DENND4C: variants seen among roughly 807,000 people sequenced by gnomAD.
DENND4C encodes the protein DENN domain containing 4C.
In DENND4C, 108 loss-of-function variants were observed where a neutral mutation model predicts 203.0. The ratio of observed to expected loss-of-function variants is 0.53; its 90% CI spans 0.46 to 0.62. The LOEUF is 0.62. Ranked by LOEUF, DENND4C falls within the 20% of genes least tolerant of loss-of-function variation. DENND4C has a pLI of 0.00. For missense variants in DENND4C, 2,481 were observed against 2,301.2 expected, an observed-to-expected ratio of 1.08 and a Z score of -1.60; for synonymous variants, 871 against 792.4, an observed-to-expected ratio of 1.10 and a Z score of -1.67.
intron 17 of DENND4C, among the ~76,000 whole-genome samples, chr9:19,333,575 G>A (rs1819763601): frequency 6.6e-6 from 1 of 152,076 alleles, no homozygotes; most frequent in Non-Finnish European, 1.5e-5. Context: ...ATAATAGTTA[G>A]CACCTTCATC....
At chr9:19,271,304 A>G (rs1831610345) in intron 1 of DENND4C, among the ~76,000 whole-genome samples, 1 of 149,786 alleles carries the variant, frequency 6.7e-6, no homozygotes, top group African/African-American at 2.5e-5. Flanking sequence ...AATTCAAGTG[A>G]TTCTCATGCC....
chr9:19,251,654 C>G lies in DENND4C; in HGVS notation c.-18+20821C>G, dbSNP rs138567070. Among the ~76,000 whole-genome samples, 325 of 152,296 alleles carry G rather than the reference C, an allele frequency of 2.1e-3. 1 individual carries two copies. The highest frequency in any genetic ancestry group is 3.6e-3 in the Non-Finnish European group (243 of 68,030). ...GAGCACCCAAGTCACTTCTTGAAAG[C>G]TTTGCTGCTTAGAAATTTCTTCTGC... On this transcript the variant is annotated intron_variant, in intron 1 of 32. Transcript: ENST00000434457.
Position 19,286,899 on chromosome 9 carries a change from G to T in DENND4C, c.436G>T (p.Ala146Ser), listed in dbSNP as rs1020854897. The T allele has an allele frequency of 3.2e-6, 4 of 1,232,036 alleles. No individual in the cohort carries two copies. The highest frequency in any genetic ancestry group is 3.1e-4 in the Middle Eastern group (1 of 3,208). The allele number at this position is 1,232,036 out of a possible 1,614,324, so 76.3% of individuals were successfully genotyped here. A position where few individuals can be genotyped will look rare whatever the true frequency, so the allele number is the denominator to read the frequency against. ...AAGAATCTTTATCACTTATCGAAGG[G>T]CTCCTCCAGTTCGACCCCAGAATTC... ...SQRIFITYRR[A>S]PPVRPQNSLA... The change falls in exon 3 of 33, where the codon GCT becomes TCT. Residue 146 changes from alanine (A) to serine (S), a missense_variant. By Grantham distance (99) the Ala-to-Ser change is moderately conservative (BLOSUM62 1). Coordinates refer to ENST00000434457, the MANE Select transcript of DENND4C (RefSeq NM_001330640.2).
chr9:19,299,266 T>C lies in DENND4C; in HGVS notation c.1145T>C (p.Val382Ala). The C allele has an allele frequency of 6.3e-7, 1 of 1,587,664 alleles. No individual in the cohort carries two copies. The highest frequency in any genetic ancestry group is 1.2e-5 in the South Asian group (1 of 83,698). ...VHDALILSQP[V>A]STPLPLSGAN... ...GATGCATTAATATTATCACAGCCAG[T>C]TTCTACACCTTTACCACTAAGGTAA... The change falls in exon 8 of 33, where the codon GTT becomes GCT. Residue 382 changes from valine (V) to alanine (A), a missense_variant. Transcript: ENST00000434457.
chr9:19,286,902 C>T lies in DENND4C; in HGVS notation c.439C>T (p.Pro147Ser). ...QRIFITYRRA[P>S]PVRPQNSLAV... is the part of the protein sequence containing the mutation. The stretch of plus-strand genomic sequence containing the variant: ...AATCTTTATCACTTATCGAAGGGCT[C>T]CTCCAGTTCGACCCCAGAATTCCTT... The change falls in exon 3 of 33, where the codon CCT becomes TCT. Residue 147 changes from proline to serine, a missense_variant. By Grantham distance (74) the Pro-to-Ser change is moderately conservative (BLOSUM62 -1). Transcript: ENST00000434457. The T allele has an allele frequency of 8.1e-7, 1 of 1,232,100 alleles. No homozygotes were observed. The highest frequency in any genetic ancestry group is 1.0e-6 in the Non-Finnish European group (1 of 987,964). The allele number at this position is 1,232,100 out of a possible 1,614,324, so 76.3% of individuals were successfully genotyped here. A position where few individuals can be genotyped will look rare whatever the true frequency, so the allele number is the denominator to read the frequency against.
chr9:19,297,834 A>T (rs887109594), intron 6 of DENND4C, among the ~76,000 whole-genome samples: 1 of 152,126 alleles, frequency 6.6e-6, no homozygotes, highest in Non-Finnish European at 1.5e-5. Context: ...ATGATAGGGG[A>T]TATAAATAGA....
At chr9:19,360,670 T>C (rs1193289994) in intron 29 of DENND4C, among the ~76,000 whole-genome samples, 181 bp downstream of exon 29, 3 of 152,172 alleles carry the variant, frequency 2.0e-5, no homozygotes, top group African/African-American at 7.2e-5. Context: ...TTTTATATTT[T>C]TGTTTAGCTA....
rs1435766975 is a variant in DENND4C at position 19,316,725 on chromosome 9, G to T, written c.1693G>T (p.Ala565Ser). 1 of 1,614,048 alleles carries T rather than the reference G, an allele frequency of 6.2e-7. No homozygotes were observed. The highest frequency in any genetic ancestry group is 1.1e-5 in the South Asian group (1 of 91,076). Residue 565 changes from alanine (A) to serine (S), a missense_variant, in exon 12 of 33, where the codon GCA becomes TCA. This residue lies in a region of DENND4C where 2,289 missense variants were observed against 2,113.3 expected (regional missense o/e 1.08). Coordinates refer to ENST00000434457, the MANE Select transcript of DENND4C (RefSeq NM_001330640.2). The part of the protein sequence containing the change: ...MTQLEMEIQE[A>S]FLRFMASILK... ...ACAGCTTGAGATGGAAATTCAAGAG[G>T]CATTTTTGCGCTTTATGGCGTCTAT...
At chr9:19,336,513 A>G in intron 19 of DENND4C, 99 bp downstream of exon 19, 1 of 1,457,266 alleles carries the variant, frequency 6.9e-7, no homozygotes, top group Non-Finnish European at 9.1e-7. Flanking sequence ...AAATTCCGGT[A>G]GACATTTTCA....
chr9:19,237,472 C>A (rs888714464), intron 1 of DENND4C, among the ~76,000 whole-genome samples: 2 of 151,916 alleles, frequency 1.3e-5, no homozygotes, highest in Admixed American at 1.3e-4. Flanking sequence ...CTGCCTCAGT[C>A]TCCCGAGTAG....
chr9:19,341,193 G>T (rs887275734), intron 21 of DENND4C, 79 bp downstream of exon 21: 10 of 1,166,382 alleles, frequency 8.6e-6, no homozygotes, highest in African/African-American at 4.9e-5. Flanking sequence ...TTAGTTGATA[G>T]CTTTGATGAT....
At chr9:19,363,857 A>T (rs546161643) in intron 30 of DENND4C, among the ~76,000 whole-genome samples, 11 of 151,876 alleles carry the variant, frequency 7.2e-5, no homozygotes, top group African/African-American at 2.4e-4. Context: ...CTAAAAATAT[A>T]AAAAAAATTA....
At chr9:19,303,186 C>G (rs760214755) in intron 9 of DENND4C, among the ~76,000 whole-genome samples, 1 of 152,100 alleles carries the variant, frequency 6.6e-6, no homozygotes, top group Non-Finnish European at 1.5e-5. Flanking sequence ...TGAGCAATTT[C>G]TTTTCTGTGT....
At chr9:19,348,313 TCTTAC>T (rs1288031750) in intron 23 of DENND4C, among the ~76,000 whole-genome samples, 3 of 152,174 alleles carry the variant, frequency 2.0e-5, no homozygotes, top group Non-Finnish European at 4.4e-5. Flanking sequence ...GAGTCCATGC[TCTTAC>T]CTTAGAAGCG....
intron 1 of DENND4C, among the ~76,000 whole-genome samples, chr9:19,254,380 A>G (rs1220745238): frequency 6.6e-6 from 1 of 152,212 alleles, no homozygotes; most frequent in African/African-American, 2.4e-5. Flanking sequence ...TGTGGCATAC[A>G]CACACACAGC....
intron 30 of DENND4C, among the ~76,000 whole-genome samples, chr9:19,365,333 T>C (rs944879705): frequency 2.0e-5 from 3 of 152,166 alleles, no homozygotes; most frequent in Non-Finnish European, 4.4e-5. Context: ...AGCCAAATCA[T>C]TTGGCAAAAT....
At chr9:19,241,329 A>C (rs1010524604) in intron 1 of DENND4C, among the ~76,000 whole-genome samples, 73 of 152,148 alleles carry the variant, frequency 4.8e-4, no homozygotes, top group Non-Finnish European at 1.0e-3. Flanking sequence ...ACAGGTGTAC[A>C]GAAATATTAT....
chr9:19,350,796 T>C lies in DENND4C; in HGVS notation c.4412T>C (p.Val1471Ala). The C allele has an allele frequency of 6.2e-7, 1 of 1,614,032 alleles. No homozygotes were observed. Among genetic ancestry groups the C allele is most frequent in the Admixed American group, 1.7e-5 (1 of 60,002 alleles). ...CCTAACACAAGTATCTCAGGGTTGG[T>C]CCCCAGTGAACTTACCCAGAGCAAC... ...ISPNTSISGL[V>A]PSELTQSNTS... The change falls in exon 24 of 33, where the codon GTC (valine) becomes GCC (alanine). Residue 1471 changes from valine to alanine, a missense_variant. By Grantham distance (64) the Val-to-Ala change is moderately conservative (BLOSUM62 0). Around this residue, in one of 3 missense-constraint regions of DENND4C, gnomAD observed 2,289 missense variants for 2,113.3 expected, o/e 1.08. Coordinates refer to ENST00000434457, the MANE Select transcript of DENND4C (RefSeq NM_001330640.2).
In DENND4C at chr9:19,350,828, C is replaced by G; in HGVS notation, c.4444C>G (p.Leu1482Val). The change falls in exon 24 of 33, where the codon CTT becomes GTT. Residue 1482 changes from leucine (L) to valine (V), a missense_variant. Leu to Val is a conservative substitution (Grantham distance 32). Transcript: ENST00000434457. Reference sequence around the variant, plus strand: ...TGAACTTACCCAGAGCAACACAAGTCTTGGCAGTAGCAGCAGTAGTGGAGA... The same window carrying G: ...TGAACTTACCCAGAGCAACACAAGTGTTGGCAGTAGCAGCAGTAGTGGAGA... ...PSELTQSNTS[L>V]GSSSSSGDVG... 6.2e-7 allele frequency: 1 copy of G among 1,613,950 alleles called. No homozygotes were observed.
Sources: allele counts gnomAD v4.1 joint callset (sites outside exome capture counted in the v4.1 genomes callset), GRCh38; gene constraint gnomAD v4.1.1; regional missense constraint gnomAD v4.1.1; transcripts MANE v1.5; gene names NCBI Gene and HGNC (gene_info 2026-07-23, HGNC 2026-07-21).